The following CAPZB variants were observed in gnomAD, a reference collection of about 807,000 sequenced individuals.
CAPZB encodes capping actin protein of muscle Z-line subunit beta, also known as F-actin-capping protein subunit beta.
A neutral mutation model predicts 38.1 loss-of-function variants in CAPZB; 2 were observed. That is an observed-to-expected ratio of 0.05 (90% CI 0.02 to 0.17). CAPZB has a LOEUF of 0.17. CAPZB is among the 10% of genes least tolerant of loss of function. CAPZB has a pLI of 1.00. For synonymous variants in CAPZB, 107 were observed against 127.4 expected (o/e 0.84, Z 1.08); for missense variants, 161 against 334.2 (o/e 0.48, Z 4.04).
intron 8 of CAPZB, among the ~76,000 whole-genome samples, chr1:19,343,714 T>C (rs974742159): frequency 6.6e-6 from 1 of 152,218 alleles, no homozygotes; most frequent in Non-Finnish European, 1.5e-5. Context: ...CTGTCCGCCG[T>C]GGACCTGGAG....
At chr1:19,467,864 C>T (rs1204357844) in intron 1 of CAPZB, among the ~76,000 whole-genome samples, 1 of 152,208 alleles carries the variant, frequency 6.6e-6, no homozygotes, top group Non-Finnish European at 1.5e-5. Context: ...GCATCAGATG[C>T]TGGGAACTAG....
At chr1:19,442,746 T>C (rs2094482054) in intron 1 of CAPZB, among the ~76,000 whole-genome samples, 1 of 152,160 alleles carries the variant, frequency 6.6e-6, no homozygotes. Flanking sequence ...AAAAACCCTT[T>C]GGCTTGGACA....
chr1:19,385,492 G>A lies in CAPZB; in HGVS notation c.215+13C>T, dbSNP rs1228195665. 1 of 1,612,124 alleles carries A rather than the reference G, an allele frequency of 6.2e-7. No individual in the cohort carries two copies. Among genetic ancestry groups the A allele is most frequent in the East Asian group, 2.2e-5 (1 of 44,876 alleles). On this transcript the variant is annotated intron_variant, in intron 3 of 8. Transcript: ENST00000264202. ...CCTGCTGTGCCTGCTGCATCCCCGG[G>A]GCATGAGCTCACCTATAGGAGTCCC...
At chr1:19,384,351 G>A (rs187040694) in intron 3 of CAPZB, among the ~76,000 whole-genome samples, 94 of 152,208 alleles carry the variant, frequency 6.2e-4, no homozygotes, top group African/African-American at 2.2e-3. Flanking sequence ...CCCCAGACCT[G>A]GACCTTTTCA....
intron 6 of CAPZB, among the ~76,000 whole-genome samples, chr1:19,351,132 G>A (rs1236729661): frequency 6.6e-6 from 1 of 151,696 alleles, no homozygotes; most frequent in Admixed American, 6.6e-5. Flanking sequence ...ACAGGTGCAT[G>A]CCACCACACC....
chr1:19,369,863 G>A (rs746781637), intron 4 of CAPZB, among the ~76,000 whole-genome samples: 22 of 152,166 alleles, frequency 1.4e-4, no homozygotes, highest in African/African-American at 2.9e-4. Context: ...CTCTGAGTCC[G>A]CAGGCCTGGC....
intron 1 of CAPZB, among the ~76,000 whole-genome samples, chr1:19,476,217 T>TAGACAGAC (rs1225587567): frequency 4.9e-4 from 37 of 74,928 alleles, no homozygotes; most frequent in African/African-American, 1.4e-3. Context: ...GATAGATAGA[T>TAGACAGAC]AGATAGATAG....
chr1:19,444,092 A>C (rs976628060), intron 1 of CAPZB, among the ~76,000 whole-genome samples: 34 of 152,250 alleles, frequency 2.2e-4, no homozygotes, highest in African/African-American at 5.8e-4. Context: ...TGGGAGGCAG[A>C]GGTTGCAGGG....
chr1:19,482,976 G>C (rs1558302370), intron 1 of CAPZB, among the ~76,000 whole-genome samples: 1 of 152,170 alleles, frequency 6.6e-6, no homozygotes, highest in Non-Finnish European at 1.5e-5. Flanking sequence ...ATCCAAGCAG[G>C]TAAGTTCATG....
chr1:19,417,373 T>C (rs2094384659), intron 2 of CAPZB, among the ~76,000 whole-genome samples: 1 of 152,204 alleles, frequency 6.6e-6, no homozygotes, highest in Non-Finnish European at 1.5e-5. Flanking sequence ...CAGCCAAGCA[T>C]GCTTTCATGC....
intron 2 of CAPZB, among the ~76,000 whole-genome samples, chr1:19,409,336 C>T (rs2094347251): frequency 1.3e-5 from 2 of 152,010 alleles, no homozygotes; most frequent in Admixed American, 1.3e-4. Flanking sequence ...ATGTGCAGGT[C>T]ACAGTCCAAC....
chr1:19,455,101 A>T (rs899571494), intron 1 of CAPZB, among the ~76,000 whole-genome samples: 4 of 152,230 alleles, frequency 2.6e-5, no homozygotes, highest in African/African-American at 9.6e-5. Flanking sequence ...GTGGAGACAG[A>T]GCAGGACAAG....
chr1:19,419,645 T>C lies in CAPZB; in HGVS notation c.93+16A>G, dbSNP rs1427273679. The stretch of plus-strand genomic sequence containing the variant: ...AGCCGCAGTCTCAAATGGAACCATA[T>C]GAAGGAGGCACGTACCAGGTCGATC... On this transcript the variant is annotated intron_variant, in intron 2 of 8. Transcript: ENST00000264202. 8 of 1,514,154 alleles carry C rather than the reference T, an allele frequency of 5.3e-6. No individual in the cohort carries two copies. The highest frequency in any genetic ancestry group is 7.3e-6 in the Non-Finnish European group (8 of 1,101,508). 93.8% of individuals were successfully genotyped at this position (1,514,154 alleles called of 1,614,324 possible). A position where few individuals can be genotyped will look rare whatever the true frequency, so the allele number is the denominator to read the frequency against.
intron 1 of CAPZB, 75 bp downstream of exon 1, chr1:19,485,361 A>C: frequency 9.7e-7 from 1 of 1,028,138 alleles, no homozygotes; most frequent in Non-Finnish European, 1.2e-6. Context: ...GTCCCAGGCC[A>C]GGGATGGGCA....
chr1:19,393,551 C>A (rs1318669017), intron 2 of CAPZB, among the ~76,000 whole-genome samples: 3 of 152,368 alleles, frequency 2.0e-5, no homozygotes, highest in Admixed American at 1.3e-4. Flanking sequence ...GAATGAGAAT[C>A]TCAATTTGAG....
intron 1 of CAPZB, among the ~76,000 whole-genome samples, chr1:19,424,890 C>A (rs2094416814): frequency 6.6e-6 from 1 of 152,228 alleles, no homozygotes; most frequent in Admixed American, 6.5e-5. Flanking sequence ...TGAGTGCCAA[C>A]CCTGGGCCAG....
At chr1:19,367,430 G>A (rs1176078530) in intron 4 of CAPZB, among the ~76,000 whole-genome samples, 2 of 152,212 alleles carry the variant, frequency 1.3e-5, no homozygotes, top group South Asian at 2.1e-4. Flanking sequence ...GGAAGTGTCC[G>A]TCAGAAACAC....
chr1:19,448,897 C>A (rs1400073527), intron 1 of CAPZB: 1 of 1,612,794 alleles, frequency 6.2e-7, no homozygotes, highest in East Asian at 2.2e-5. Flanking sequence ...ACCCTGTATC[C>A]TGGAACTGCC....
chr1:19,458,521 A>C (rs1350071984), intron 1 of CAPZB, among the ~76,000 whole-genome samples: 1 of 152,042 alleles, frequency 6.6e-6, no homozygotes, highest in Non-Finnish European at 1.5e-5. Context: ...AGCCTGGCTA[A>C]TTTTTTGTAC....
Sources: allele counts gnomAD v4.1 joint callset (sites outside exome capture counted in the v4.1 genomes callset), GRCh38; gene constraint gnomAD v4.1.1; transcripts MANE v1.5; gene names NCBI Gene and HGNC (gene_info 2026-07-23, HGNC 2026-07-21).